Variants in SELENOF observed in about 807,000 individuals in gnomAD.
SELENOF encodes selenoprotein F.
Under a neutral mutation model 20.5 loss-of-function variants are expected in SELENOF, and 16 were observed. The observed-to-expected ratio is 0.78, with a 90% CI of 0.53 to 1.19. The LOEUF is 1.19. Ranked by LOEUF, SELENOF falls within the 50% of genes most tolerant of loss-of-function variation. The pLI is 0.00. For synonymous variants in SELENOF, 78 were observed against 74.5 expected, an observed-to-expected ratio of 1.05 and a Z score of -0.24; for missense variants, 215 against 194.2, an observed-to-expected ratio of 1.11 and a Z score of -0.64.
chr1:86,907,391 C>A (rs1211650050), intron 1 of SELENOF, among the ~76,000 whole-genome samples: 5 of 152,152 alleles, frequency 3.3e-5, no homozygotes, highest in African/African-American at 1.2e-4. Flanking sequence ...CTTAGGTAAA[C>A]TACTTTTTTC....
chr1:86,902,143 T>TA (rs1395091422), intron 2 of SELENOF, among the ~76,000 whole-genome samples: 1 of 152,256 alleles, frequency 6.6e-6, no homozygotes, highest in Non-Finnish European at 1.5e-5. Context: ...GTCTTAAATC[T>TA]ATTTAAAATC....
chr1:86,901,364 T>C (rs1188511663), intron 2 of SELENOF, among the ~76,000 whole-genome samples: 1 of 152,112 alleles, frequency 6.6e-6, no homozygotes, highest in African/African-American at 2.4e-5. Context: ...ACCATACTTT[T>C]ATATTTCCAG....
At chr1:86,888,190 G>A (rs1326429159) in intron 2 of SELENOF, among the ~76,000 whole-genome samples, 1 of 151,530 alleles carries the variant, frequency 6.6e-6, no homozygotes, top group African/African-American at 2.4e-5. Flanking sequence ...GACCTGGGAG[G>A]TGGAGGTTGC....
intron 2 of SELENOF, among the ~76,000 whole-genome samples, chr1:86,884,184 T>C (rs760235876): frequency 6.6e-6 from 1 of 152,154 alleles, no homozygotes; most frequent in Non-Finnish European, 1.5e-5. Flanking sequence ...TCTTTTTTCA[T>C]GACAAAACTT....
chr1:86,909,008 C>T (rs1186623958), intron 1 of SELENOF, among the ~76,000 whole-genome samples: 1 of 152,176 alleles, frequency 6.6e-6, no homozygotes, highest in Non-Finnish European at 1.5e-5. Context: ...AAAAACTCAA[C>T]TTGTCAAGTA....
At chr1:86,886,421 A>G (rs1238738965) in intron 2 of SELENOF, among the ~76,000 whole-genome samples, 1 of 149,578 alleles carries the variant, frequency 6.7e-6, no homozygotes, top group Non-Finnish European at 1.5e-5. Context: ...AAGCAAGACA[A>G]ATGTTACAGT....
At chr1:86,889,781 TC>T (rs1244302716) in intron 2 of SELENOF, among the ~76,000 whole-genome samples, 2 of 152,246 alleles carry the variant, frequency 1.3e-5, no homozygotes, top group Admixed American at 1.3e-4. Flanking sequence ...CTGGGAAGCA[TC>T]CCCACTTACC....
chr1:86,870,014 C>T (rs1056772022), intron 3 of SELENOF, among the ~76,000 whole-genome samples: 19 of 152,166 alleles, frequency 1.2e-4, no homozygotes, highest in African/African-American at 4.1e-4. Flanking sequence ...ACCTTGTGAT[C>T]CGCCTGCCTT....
chr1:86,880,113 A>G (rs1184478304), intron 3 of SELENOF, among the ~76,000 whole-genome samples: 2 of 151,392 alleles, frequency 1.3e-5, no homozygotes, highest in Non-Finnish European at 3.0e-5. Flanking sequence ...TAACCCCTTC[A>G]TGTGTTGTAT....
chr1:86,873,395 A>G (rs746873850), intron 3 of SELENOF, among the ~76,000 whole-genome samples: 3 of 152,252 alleles, frequency 2.0e-5, no homozygotes, highest in Non-Finnish European at 2.9e-5. Context: ...TTCTGCTCAT[A>G]TGATCAATTT....
chr1:86,864,314 C>A (rs893903905), intron 4 of SELENOF, among the ~76,000 whole-genome samples: 1 of 152,194 alleles, frequency 6.6e-6, no homozygotes, highest in African/African-American at 2.4e-5. Context: ...CCAGAGAGCT[C>A]TGAGAAATTC....
intron 2 of SELENOF, among the ~76,000 whole-genome samples, chr1:86,891,544 T>C (rs911214755): frequency 1.3e-5 from 2 of 152,238 alleles, no homozygotes; most frequent in African/African-American, 4.8e-5. Flanking sequence ...AGTCTGCAAA[T>C]GTGGCAGAAA....
At chr1:86,895,805 C>T (rs1659506521) in intron 2 of SELENOF, among the ~76,000 whole-genome samples, 1 of 151,940 alleles carries the variant, frequency 6.6e-6, no homozygotes, top group South Asian at 2.1e-4. Flanking sequence ...AGAAATAAGG[C>T]AAGTGTAAAT....
At position 86,900,989 on chromosome 1, in the gene SELENOF, C is replaced by T. The variant is rs1237909752; in HGVS notation, c.252+2292G>A. Among the ~76,000 whole-genome samples the T allele has an allele frequency of 2.6e-5, 4 of 152,154 alleles. No individual in the cohort carries two copies. The East Asian group carries it at 7.7e-4, about 29-fold the overall frequency. ...CTCACTGCAACCTCTGCCTCCCAGG[C>T]TCAAGCTATCCTTCCACCTCAGGCT... On this transcript the variant is annotated intron_variant, in intron 2 of 4. Transcript: ENST00000331835.
At chr1:86,878,700 A>G (rs1329511358) in intron 3 of SELENOF, among the ~76,000 whole-genome samples, 1 of 152,188 alleles carries the variant, frequency 6.6e-6, no homozygotes, top group African/African-American at 2.4e-5. Flanking sequence ...AGAGAAAAGA[A>G]TATGAAGCAG....
intron 1 of SELENOF, among the ~76,000 whole-genome samples, chr1:86,906,764 T>C (rs1328140855): frequency 6.6e-6 from 1 of 152,210 alleles, no homozygotes; most frequent in Non-Finnish European, 1.5e-5. Flanking sequence ...TGAGACATCA[T>C]AGAACAGACA....
intron 3 of SELENOF, among the ~76,000 whole-genome samples, chr1:86,870,987 G>A (rs1340874272): frequency 6.6e-6 from 1 of 151,918 alleles, no homozygotes; most frequent in Admixed American, 6.6e-5. Context: ...ACTAAGATGA[G>A]TCACTAATTA....
rs1658725623 is a variant in SELENOF at position 86,870,245 on chromosome 1, T to C, written c.317-2143A>G. ...CTATAGATTTGCTTCATTGTGAACG[T>C]CTTCACACATTTGACTCAAATATCT... On this transcript the variant is annotated intron_variant, in intron 3 of 4. Transcript: ENST00000331835. 4.6e-5 allele frequency among the ~76,000 whole-genome samples: 7 copies of C among 152,228 alleles called. No individual in the cohort carries two copies. The South Asian group carries it at 1.4e-3, about 31-fold the overall frequency.
rs376799719 is a variant in SELENOF at position 86,897,190 on chromosome 1, G to A, written c.252+6091C>T. 3.2e-4 allele frequency among the ~76,000 whole-genome samples: 48 copies of A among 152,170 alleles called. No homozygotes were observed. The East Asian group carries it at 9.3e-3, about 29-fold the overall frequency. ...GGCGTGGTGGCGGGTGGGAGGCTGAGGCAGGAGAATCTCTTGAACCCAGAA... is the reference window on the plus strand; with the variant it reads ...GGCGTGGTGGCGGGTGGGAGGCTGAAGCAGGAGAATCTCTTGAACCCAGAA... On this transcript the variant is annotated intron_variant, in intron 2 of 4. Transcript: ENST00000331835.
Sources: allele counts gnomAD v4.1 joint callset (sites outside exome capture counted in the v4.1 genomes callset), GRCh38; gene constraint gnomAD v4.1.1; transcripts MANE v1.5; gene names NCBI Gene and HGNC (gene_info 2026-07-23, HGNC 2026-07-21).